Variants in CAMK1D observed in about 807,000 individuals in gnomAD.
CAMK1D encodes calcium/calmodulin dependent protein kinase ID, also known as calcium/calmodulin-dependent protein kinase type 1D.
CAMK1D carries 9 observed loss-of-function variants against 47.7 expected under a neutral mutation model. That is an observed-to-expected ratio of 0.19 (90% CI 0.11 to 0.33). CAMK1D has a LOEUF of 0.33. CAMK1D is among the 10% of genes least tolerant of loss of function. The probability of loss-of-function intolerance (pLI) is 1.00; values close to 1 mark genes in which losing one functional copy is unlikely to be tolerated. For synonymous variants in CAMK1D, 184 were observed against 184.9 expected (o/e 0.99, Z 0.04); for missense variants, 291 against 488.7 (o/e 0.60, Z 3.81).
intron 2 of CAMK1D, among the ~76,000 whole-genome samples, chr10:12,616,023 CTGTG>C (rs149102842): frequency 6.8e-6 from 1 of 147,744 alleles, no homozygotes; most frequent in African/African-American, 2.5e-5. Context: ...ATGTGTGTTG[CTGTG>C]TGTGTGGGTG....
chr10:12,467,537 C>T (rs779731877), intron 1 of CAMK1D, among the ~76,000 whole-genome samples: 12 of 152,232 alleles, frequency 7.9e-5, no homozygotes, highest in South Asian at 6.2e-4. Context: ...AGAGCAGTTA[C>T]TTAATGCATT....
chr10:12,527,503 C>A (rs12262362), intron 1 of CAMK1D, among the ~76,000 whole-genome samples: 1 of 151,806 alleles, frequency 6.6e-6, no homozygotes, highest in African/African-American at 2.4e-5. Flanking sequence ...TATAGGCATG[C>A]GCCACCACGC....
At chr10:12,741,474 G>C (rs1358196805) in intron 3 of CAMK1D, among the ~76,000 whole-genome samples, 1 of 152,198 alleles carries the variant, frequency 6.6e-6, no homozygotes, top group Admixed American at 6.5e-5. Flanking sequence ...GCCTTGCTCT[G>C]TTTCCATGGA....
intron 1 of CAMK1D, among the ~76,000 whole-genome samples, chr10:12,419,470 T>G (rs1044567518): frequency 4.6e-5 from 7 of 152,142 alleles, no homozygotes. Context: ...CAAGTCCTGT[T>G]TCCTGACTTT....
intron 3 of CAMK1D, among the ~76,000 whole-genome samples, chr10:12,691,349 C>A (rs1241009998): frequency 1.3e-4 from 10 of 74,520 alleles, no homozygotes; most frequent in Non-Finnish European, 4.7e-5. Flanking sequence ...CTGAAGTTTT[C>A]TATATATATA....
intron 5 of CAMK1D, among the ~76,000 whole-genome samples, chr10:12,784,886 C>T (rs576302729): frequency 6.6e-6 from 1 of 152,294 alleles, no homozygotes; most frequent in African/African-American, 2.4e-5. Context: ...TCAGGACATA[C>T]GGAGATGAGA....
At position 12,501,799 on chromosome 10, in the gene CAMK1D, AGCCTG is replaced by A. The variant is rs1834713022; in HGVS notation, c.93-51425_93-51421del. Among the ~76,000 whole-genome samples, 4 of 152,236 alleles carry A rather than the reference AGCCTG, an allele frequency of 2.6e-5. No individual in the cohort carries two copies. In the East Asian group the frequency reaches 7.7e-4, roughly 29 times the overall value. ...GCCTCCCCACCCTAAAGTATTATAC[AGCCTG>A]AGTGTCAGGGGTGCTTGGGTTAAGA... On this transcript the variant is annotated intron_variant, in intron 1 of 10. Transcript: ENST00000619168.
chr10:12,359,964 G>A (rs895407650), intron 1 of CAMK1D, among the ~76,000 whole-genome samples: 2 of 152,212 alleles, frequency 1.3e-5, no homozygotes, highest in African/African-American at 4.8e-5. Context: ...GTCACAGGAT[G>A]TTAGTGTTAA....
intron 1 of CAMK1D, among the ~76,000 whole-genome samples, chr10:12,426,976 G>T (rs10906146): frequency 0.2 from 30,008 of 151,898 alleles, 3,488 homozygotes; most frequent in Non-Finnish European, 0.26. Flanking sequence ...CGGCCTCCCA[G>T]AGTGCTGGGA....
intron 1 of CAMK1D, among the ~76,000 whole-genome samples, chr10:12,518,351 C>T (rs1236213465): frequency 6.6e-6 from 1 of 152,228 alleles, no homozygotes; most frequent in Non-Finnish European, 1.5e-5. Context: ...TTGCCCATTA[C>T]AAAAATATTT....
At chr10:12,532,342 G>C (rs926739542) in intron 1 of CAMK1D, among the ~76,000 whole-genome samples, 7 of 151,012 alleles carry the variant, frequency 4.6e-5, no homozygotes, top group Non-Finnish European at 8.9e-5. Context: ...TGCAGTGGCG[G>C]GATCTCGGCT....
chr10:12,624,385 G>T (rs1271689930), intron 2 of CAMK1D, among the ~76,000 whole-genome samples: 1 of 152,132 alleles, frequency 6.6e-6, no homozygotes, highest in African/African-American at 2.4e-5. Flanking sequence ...TTATGATGTT[G>T]ATTAAGTAAC....
At chr10:12,772,864 A>G (rs1837104698) in intron 5 of CAMK1D, among the ~76,000 whole-genome samples, 1 of 152,018 alleles carries the variant, frequency 6.6e-6, no homozygotes, top group Non-Finnish European at 1.5e-5. Flanking sequence ...AGGGGACACA[A>G]CTTCAGAGTA....
chr10:12,730,446 G>A (rs1459870364), intron 3 of CAMK1D, among the ~76,000 whole-genome samples: 2 of 152,212 alleles, frequency 1.3e-5, no homozygotes, highest in African/African-American at 4.8e-5. Context: ...ATATCCAAGT[G>A]AAGAGTTTGA....
chr10:12,561,034 C>A (rs1269516694), intron 2 of CAMK1D, among the ~76,000 whole-genome samples: 6 of 152,080 alleles, frequency 3.9e-5, no homozygotes. Context: ...CTGCCTCAGC[C>A]TCCCGAGTAG....
At chr10:12,593,958 C>G (rs1321897058) in intron 2 of CAMK1D, among the ~76,000 whole-genome samples, 1 of 152,190 alleles carries the variant, frequency 6.6e-6, no homozygotes, top group Non-Finnish European at 1.5e-5. Context: ...GGGTGGATCA[C>G]TTGAGGTCAG....
At chr10:12,480,915 G>T (rs12774912) in intron 1 of CAMK1D, among the ~76,000 whole-genome samples, 20,718 of 152,206 alleles carry the variant, frequency 0.14, 1,546 homozygotes, top group Non-Finnish European at 0.18. Flanking sequence ...GAAAGAGATC[G>T]GATCTAACCA....
chr10:12,528,590 TC>T (rs1835701933), intron 1 of CAMK1D, among the ~76,000 whole-genome samples: 1 of 152,096 alleles, frequency 6.6e-6, no homozygotes, highest in Admixed American at 6.5e-5. Context: ...TGGAAGAGAC[TC>T]CCGGGGTCTA....
intron 1 of CAMK1D, among the ~76,000 whole-genome samples, chr10:12,359,002 T>C (rs1837587842): frequency 6.6e-6 from 1 of 152,170 alleles, no homozygotes. Flanking sequence ...GTTTCAGCAA[T>C]CATAAACAAT....
Sources: allele counts gnomAD v4.1 joint callset (sites outside exome capture counted in the v4.1 genomes callset), GRCh38; gene constraint gnomAD v4.1.1; transcripts MANE v1.5; gene names NCBI Gene and HGNC (gene_info 2026-07-23, HGNC 2026-07-21).